The following TBXAS1 variants were observed in gnomAD, a reference collection of about 807,000 sequenced individuals.
TBXAS1 encodes thromboxane-A synthase.
TBXAS1 carries 48 observed loss-of-function variants against 60.7 expected under a neutral mutation model. That is an observed-to-expected ratio of 0.79 (90% CI 0.63 to 1.01). The LOEUF (loss-of-function observed/expected upper bound fraction) is 1.01, where lower values mean the gene tolerates loss of function less well. TBXAS1 is among the 50% of genes least tolerant of loss of function. The pLI is 0.00. For missense variants in TBXAS1, 685 were observed against 686.3 expected (o/e 1.00, Z 0.02); for synonymous variants, 287 against 269.7 (o/e 1.06, Z -0.63).
At chr7:139,872,195 A>G (rs1584732157) in intron 1 of TBXAS1, 40 bp from the exon 2 acceptor site, 5 of 1,577,822 alleles carry the variant, frequency 3.2e-6, no homozygotes, top group Non-Finnish European at 4.4e-6. Context: ...CATGAGTGCA[A>G]CTTCATTTCT....
At chr7:140,000,788 T>C (rs1813618312) in intron 9 of TBXAS1, among the ~76,000 whole-genome samples, 1 of 152,264 alleles carries the variant, frequency 6.6e-6, no homozygotes, top group Non-Finnish European at 1.5e-5. Flanking sequence ...TTTTAGAATT[T>C]CTTTCTCCCT....
At chr7:139,878,932 C>T (rs1802470150) in intron 3 of TBXAS1, among the ~76,000 whole-genome samples, 1 of 152,108 alleles carries the variant, frequency 6.6e-6, no homozygotes, top group African/African-American at 2.4e-5. Flanking sequence ...TAGATGACAG[C>T]TTGGCACTGA....
At chr7:140,015,964 T>TC in intron 11 of TBXAS1, 104 bp downstream of exon 11, 2 of 1,511,592 alleles carry the variant, frequency 1.3e-6, no homozygotes, top group Non-Finnish European at 1.8e-6. Flanking sequence ...AGCAAAATTG[T>TC]CCCCAAATAG....
intron 9 of TBXAS1, among the ~76,000 whole-genome samples, chr7:139,984,940 GAAAAGA>G (rs1321624133): frequency 6.7e-4 from 38 of 56,848 alleles, no homozygotes; most frequent in South Asian, 1.9e-3. Flanking sequence ...AAGAAAGAAA[GAAAAGA>G]AAAGAAAGAA....
chr7:139,793,787 T>C (rs987539339), intron 4 of TBXAS1, among the ~76,000 whole-genome samples: 6 of 152,248 alleles, frequency 3.9e-5, no homozygotes, highest in African/African-American at 1.4e-4. Context: ...ATTTTCGCAT[T>C]CATGATTCAG....
At chr7:139,823,841 G>A (rs1350945299) in intron 4 of TBXAS1, among the ~76,000 whole-genome samples, 2 of 152,126 alleles carry the variant, frequency 1.3e-5, no homozygotes, top group Non-Finnish European at 2.9e-5. Context: ...TTACTTCCTG[G>A]GGTTGCTCTG....
chr7:139,789,422 T>A (rs961356867), intron 4 of TBXAS1: 1 of 151,878 alleles, frequency 6.6e-6, no homozygotes, highest in African/African-American at 2.4e-5. Flanking sequence ...GTTTTAAAAC[T>A]TTTTTGTAGA....
intron 1 of TBXAS1, among the ~76,000 whole-genome samples, chr7:139,859,806 A>G (rs1477498704): frequency 6.6e-6 from 1 of 152,188 alleles, no homozygotes; most frequent in Non-Finnish European, 1.5e-5. Flanking sequence ...ACCATCAACT[A>G]GATACCTTTT....
intron 5 of TBXAS1, among the ~76,000 whole-genome samples, chr7:139,951,575 G>A (rs1467589496): frequency 3.8e-5 from 4 of 105,726 alleles, no homozygotes; most frequent in Non-Finnish European, 7.1e-5. Flanking sequence ...GATCAACATG[G>A]TGGAATCCCG....
At chr7:139,870,501 A>T (rs1329562705) in intron 1 of TBXAS1, among the ~76,000 whole-genome samples, 4 of 152,116 alleles carry the variant, frequency 2.6e-5, no homozygotes, top group African/African-American at 9.7e-5. Context: ...TTGTAAGGGG[A>T]ATTATTTAAA....
At chr7:139,987,592 G>A (rs1329211237) in intron 9 of TBXAS1, among the ~76,000 whole-genome samples, 2 of 152,106 alleles carry the variant, frequency 1.3e-5, no homozygotes, top group African/African-American at 4.8e-5. Flanking sequence ...ATCTCACCCT[G>A]TGTCTTCCAA....
chr7:139,996,495 G>A lies in TBXAS1; in HGVS notation c.1135-10596G>A, dbSNP rs550469693. ...CCAAGCTGCTCACGGTCTCACCCAG[G>A]TGGGGTGGTGGAGGGGGCCTCCAGC... On this transcript the variant is annotated intron_variant, in intron 9 of 12. Coordinates refer to ENST00000448866, the MANE Select transcript of TBXAS1 (RefSeq NM_001061.7). Among the ~76,000 whole-genome samples, 3 of 152,296 alleles carry A rather than the reference G, an allele frequency of 2.0e-5. No individual in the cohort carries two copies. In the East Asian group the frequency reaches 5.8e-4, roughly 29 times the overall value.
intron 4 of TBXAS1, among the ~76,000 whole-genome samples, chr7:139,931,080 TACATACAC>T (rs1475219957): frequency 6.6e-6 from 1 of 151,864 alleles, no homozygotes; most frequent in African/African-American, 2.4e-5. Context: ...CGCATACATG[TACATACAC>T]ACATACACAC....
chr7:139,874,835 C>G (rs745561858), intron 2 of TBXAS1, among the ~76,000 whole-genome samples: 7 of 152,208 alleles, frequency 4.6e-5, no homozygotes. Context: ...TGGCTCATAC[C>G]TGTAATCCCA....
rs561184906 is a variant in TBXAS1, at chr7:139,786,715, A to G, written c.-168-623A>G. ...CAAGAAAGTAAATTATGATTGGTTT[A>G]AGTCAGTTGCAGCAAATCAGTCATG... On this transcript the variant is annotated intron_variant, in intron 3 of 16. Transcript: ENST00000336425. Among the ~76,000 whole-genome samples, 4 of 152,316 alleles carry G rather than the reference A, an allele frequency of 2.6e-5. No individual in the cohort carries two copies. The South Asian group carries it at 8.3e-4, about 32-fold the overall frequency.
At chr7:139,885,971 C>T (rs781329829) in intron 3 of TBXAS1, among the ~76,000 whole-genome samples, 3 of 152,200 alleles carry the variant, frequency 2.0e-5, no homozygotes, top group Non-Finnish European at 4.4e-5. Flanking sequence ...TAAACTGGAA[C>T]ATATTCTTCT....
intron 3 of TBXAS1, among the ~76,000 whole-genome samples, chr7:139,900,743 G>A (rs900671719): frequency 7.2e-5 from 11 of 152,134 alleles, no homozygotes; most frequent in Admixed American, 6.6e-4. Context: ...TCTGCAGACC[G>A]GCTCTCTCCA....
intron 4 of TBXAS1, chr7:139,913,004 G>A: frequency 1.5e-6 from 1 of 661,122 alleles, no homozygotes; most frequent in Middle Eastern, 2.9e-4. Context: ...TGACATTTCA[G>A]GATGTCAAGG....
chr7:140,017,870 G>T, intron 12 of TBXAS1, 37 bp downstream of exon 12: 1 of 1,613,868 alleles, frequency 6.2e-7, no homozygotes, highest in Non-Finnish European at 8.5e-7. Flanking sequence ...GGCAGGGGCA[G>T]GGGTGGGAGG....
Sources: gnomAD v4.1 joint callset for allele counts (sites outside exome capture counted in the v4.1 genomes callset) on GRCh38, gnomAD v4.1.1 for gene constraint, MANE v1.5 for transcripts, NCBI Gene and HGNC (gene_info 2026-07-23, HGNC 2026-07-21) for gene names.